MDN1: variants seen among roughly 807,000 people sequenced by gnomAD.
The protein encoded by MDN1 is midasin AAA ATPase 1.
Under a neutral mutation model 669.2 loss-of-function variants are expected in MDN1, and 266 were observed. The ratio of observed to expected loss-of-function variants is 0.40; its 90% CI spans 0.36 to 0.44. The LOEUF (loss-of-function observed/expected upper bound fraction) is 0.44. Among genes scored for constraint, MDN1 ranks in the 20% least tolerant of loss-of-function variants. The pLI, the probability that MDN1 is intolerant of heterozygous loss-of-function variation, is 1.00. For synonymous variants in MDN1, 2,385 were observed against 2,457.1 expected, an observed-to-expected ratio of 0.97 and a Z score of 0.87; for missense variants, 5,940 against 6,754.0, an observed-to-expected ratio of 0.88 and a Z score of 4.22.
chr6:89,814,743 CG>C, intron 1 of MDN1: 1 of 374,196 alleles, frequency 2.7e-6, no homozygotes, highest in South Asian at 2.2e-5. Flanking sequence ...CAGGAGCAGC[CG>C]CTGGACAGCA....
intron 10 of MDN1, among the ~76,000 whole-genome samples, chr6:89,780,557 A>T (rs751068416): frequency 1.9e-4 from 29 of 151,782 alleles, no homozygotes; most frequent in Non-Finnish European, 3.4e-4. Context: ...CTACCAACTC[A>T]TTACTCTCTG....
At chr6:89,765,753 ATC>A (rs1446011827) in intron 15 of MDN1, among the ~76,000 whole-genome samples, 1 of 152,224 alleles carries the variant, frequency 6.6e-6, no homozygotes, top group African/African-American at 2.4e-5. Flanking sequence ...TAAGTGACTT[ATC>A]TCTCTTTGCC....
intron 56 of MDN1, 142 bp downstream of exon 56, chr6:89,700,504 T>C (rs1374444429): frequency 1.3e-6 from 1 of 797,814 alleles, no homozygotes; most frequent in Non-Finnish European, 2.0e-6. Flanking sequence ...TTTAGTCCTA[T>C]GCCTGACACT....
At chr6:89,747,629 A>C (rs370613745) in intron 26 of MDN1, among the ~76,000 whole-genome samples, 159 bp from the exon 27 acceptor site, 166 of 151,928 alleles carry the variant, frequency 1.1e-3, no homozygotes, top group African/African-American at 2.8e-3. Context: ...TGGTGGCTCA[A>C]GCCTGTAATC....
chr6:89,802,459 C>A (rs955536483), intron 2 of MDN1, among the ~76,000 whole-genome samples: 18 of 152,312 alleles, frequency 1.2e-4, no homozygotes, highest in African/African-American at 3.8e-4. Context: ...TCGAGGCGGG[C>A]AGATCACGAG....
chr6:89,771,735 G>T (rs1818089555), intron 14 of MDN1, 114 bp from the exon 15 acceptor site: 3 of 855,566 alleles, frequency 3.5e-6, no homozygotes, highest in Non-Finnish European at 3.7e-6. Context: ...TTGAGACAGA[G>T]TCTTGTTCTG....
rs571054971 is a variant in MDN1, at chr6:89,778,252, C to T, written c.1726-1557G>A. ...GGCCCCCAATACTGCAAATTGCTTT[C>T]GTCTCAGTGGTAGAGTTAGTAGTTA... is the stretch of plus-strand genomic sequence containing the variant. On this transcript the variant is annotated intron_variant, in intron 11 of 101. Transcript: ENST00000369393. Among the ~76,000 whole-genome samples, 15 of 149,898 alleles carry T rather than the reference C, an allele frequency of 1.0e-4. No individual in the cohort carries two copies. The South Asian group carries it at 2.6e-3, about 25-fold the overall frequency.
In MDN1 at chr6:89,670,947, G is replaced by A. The variant is rs1356724607; in HGVS notation, c.13928C>T (p.Ala4643Val). The change falls in exon 83 of 102, where the codon GCC becomes GTC. Residue 4643 changes from alanine (A) to valine (V), a missense_variant. This residue lies in a region of MDN1 where 2,280 missense variants were observed against 2,576.3 expected (regional missense o/e 0.88). Coordinates refer to ENST00000369393, the MANE Select transcript of MDN1 (RefSeq NM_014611.3). ...CTGGGCAAGCTCTGTAAAGACCTGGGCAAGCACAGAGAGCAGCTTTGCAGT... is the reference window on the plus strand; with the variant it reads ...CTGGGCAAGCTCTGTAAAGACCTGGACAAGCACAGAGAGCAGCTTTGCAGT... ...RSTAKLLSVL[A>V]QVFTELAQKG... 4 of 1,614,200 alleles carry A rather than the reference G, an allele frequency of 2.5e-6. No individual in the cohort carries two copies. In the South Asian group the frequency reaches 4.4e-5, roughly 18 times the overall value.
chr6:89,787,658 CG>C (rs397694064), intron 8 of MDN1, among the ~76,000 whole-genome samples, 195 bp downstream of exon 8: 18 of 92,422 alleles, frequency 1.9e-4, no homozygotes, highest in South Asian at 8.1e-4. Flanking sequence ...ATTTTTAAGT[CG>C]GGGGGGGGAC....
At chr6:89,793,501 C>T (rs1172502803) in intron 5 of MDN1, among the ~76,000 whole-genome samples, 1 of 152,116 alleles carries the variant, frequency 6.6e-6, no homozygotes, top group African/African-American at 2.4e-5. Context: ...TCCCTTGAGT[C>T]CAGGAGTTCC....
rs1360972861 is a variant in MDN1 at position 89,656,751 on chromosome 6, C to T, written c.15234G>A (p.Ser5078=). 3.1e-6 allele frequency: 5 copies of T among 1,613,070 alleles called. No individual in the cohort carries two copies. The highest frequency in any genetic ancestry group is 4.2e-6 in the Non-Finnish European group (5 of 1,179,602). ...ADANQAEGHE[S]NFIAQLASQK... ...GGGAGGCCAACTGGGCAATGAAATTCGATTCATGGCCTTCTGCCTGGTTTG... is the reference window on the plus strand; with the variant it reads ...GGGAGGCCAACTGGGCAATGAAATTTGATTCATGGCCTTCTGCCTGGTTTG... Residue 5078 remains serine (S), a synonymous_variant, in exon 91 of 102, where the codon TCG becomes TCA. Transcript: ENST00000369393.
Position 89,781,505 on chromosome 6 carries a change from A to G in MDN1, c.1537T>C (p.Ser513Pro). 1 of 1,614,006 alleles carries G rather than the reference A, an allele frequency of 6.2e-7. No individual in the cohort carries two copies. Among genetic ancestry groups the G allele is most frequent in the Non-Finnish European group, 8.5e-7 (1 of 1,179,902 alleles). ...CATCCAACAGAACTATCACTCCAAGAGTGATGTTTCTCTCCAGTAAGTTGG... is the reference window on the plus strand; with the variant it reads ...CATCCAACAGAACTATCACTCCAAGGGTGATGTTTCTCTCCAGTAAGTTGG... ...YIQLTGEKHH[S>P]WSDSSVGCEQ... Residue 513 changes from serine (S) to proline (P), a missense_variant, in exon 10 of 102, where the codon TCT becomes CCT. Around this residue, in one of 5 missense-constraint regions of MDN1, gnomAD observed 1,203 missense variants for 1,268.9 expected, o/e 0.95. Coordinates refer to ENST00000369393, the MANE Select transcript of MDN1 (RefSeq NM_014611.3).
chr6:89,801,303 C>T (rs1767640784), intron 2 of MDN1, among the ~76,000 whole-genome samples: 1 of 152,186 alleles, frequency 6.6e-6, no homozygotes, highest in Admixed American at 6.6e-5. Context: ...GCAGGCAGAT[C>T]ACTTGAGGCC....
chr6:89,694,646 T>G (rs1812609237), intron 61 of MDN1, among the ~76,000 whole-genome samples: 2 of 151,952 alleles, frequency 1.3e-5, no homozygotes, highest in Admixed American at 6.6e-5. Context: ...CAGGCTCAAG[T>G]GATCCTCCTG....
At chr6:89,777,214 A>C (rs1818399793) in intron 11 of MDN1, among the ~76,000 whole-genome samples, 1 of 152,228 alleles carries the variant, frequency 6.6e-6, no homozygotes, top group Non-Finnish European at 1.5e-5. Flanking sequence ...TGTACCCCAA[A>C]TATGTTAAAC....
chr6:89,655,168 G>A (rs112525303), intron 92 of MDN1, among the ~76,000 whole-genome samples: 144 of 151,982 alleles, frequency 9.5e-4, no homozygotes, highest in African/African-American at 3.1e-3. Flanking sequence ...AGTCATTTTC[G>A]TACCATCCTA....
In MDN1 at chr6:89,690,151, T is replaced by G; in HGVS notation, c.10750-8A>C. 6.2e-7 allele frequency: 1 copy of G among 1,613,212 alleles called. No individual in the cohort carries two copies. On this transcript the variant is annotated splice_polypyrimidine_tract_variant and splice_region_variant and intron_variant, in intron 64 of 101. Coordinates refer to ENST00000369393, the MANE Select transcript of MDN1 (RefSeq NM_014611.3). ...CAAAATATCTGCAAAGTCCTATAAA[T>G]AGCATTAGAGCAATTGAACTTTTAA...
Position 89,718,922 on chromosome 6 carries a change from C to T in MDN1, c.6166G>A (p.Val2056Met). The T allele has an allele frequency of 1.9e-6, 3 of 1,614,156 alleles. No individual in the cohort carries two copies. The highest frequency in any genetic ancestry group is 2.7e-5 in the African/African-American group (2 of 75,034). The change falls in exon 42 of 102, where the codon GTG becomes ATG. Residue 2056 changes from valine to methionine, a missense_variant. Transcript: ENST00000369393. ...AGGATGACCATCCAGCTCATCTGCA[C>T]ACACTTCATGATTGACTCCAGGGGT... ...FQPLESIMKC[V>M]QMSWMVILVG...
rs368359299 is a variant in MDN1, at chr6:89,695,450, C to G, written c.9771+155G>C. 1.4e-4 allele frequency among the ~76,000 whole-genome samples: 22 copies of G among 152,286 alleles called. No homozygotes were observed. Among genetic ancestry groups the G allele is most frequent in the Middle Eastern group, 6.8e-3 (2 of 294 alleles). ...CAACTCTCAAAGGGGAAAATACAGT[C>G]TCTAAAACAGACTCCTGGGAAGTCA... On this transcript the variant is annotated intron_variant, in intron 61 of 101. Transcript: ENST00000369393. This position sits in a 1 kb window ranked among gnomAD's most constrained non-coding sequence, Gnocchi z 4.1.
Sources: allele counts gnomAD v4.1 joint callset (sites outside exome capture counted in the v4.1 genomes callset), GRCh38; gene constraint gnomAD v4.1.1; regional missense constraint gnomAD v4.1.1; non-coding constraint Gnocchi (gnomAD v3.1); transcripts MANE v1.5; gene names NCBI Gene and HGNC (gene_info 2026-07-23, HGNC 2026-07-21).